Variants in IGSF21 observed in about 807,000 individuals in gnomAD.
IGSF21 encodes immunoglobulin superfamily member 21.
IGSF21 carries 28 observed loss-of-function variants against 46.8 expected under a neutral mutation model. The ratio of observed to expected loss-of-function variants is 0.60; its 90% confidence interval spans 0.44 to 0.82. The LOEUF is 0.82. Ranked by LOEUF, IGSF21 falls within the 40% of genes least tolerant of loss-of-function variation. The pLI, the probability that IGSF21 is intolerant of heterozygous loss-of-function variation, is 0.00. For missense variants in IGSF21, 624 were observed against 665.5 expected (o/e 0.94, Z 0.69); for synonymous variants, 284 against 273.6 (o/e 1.04, Z -0.38).
At chr1:18,277,296 G>A (rs576859694) in intron 2 of IGSF21, among the ~76,000 whole-genome samples, 31 of 152,272 alleles carry the variant, frequency 2.0e-4, no homozygotes, top group African/African-American at 6.0e-4. Flanking sequence ...CGTGAATCCC[G>A]TGGGGTGGTT....
At chr1:18,200,864 T>C (rs537100475) in intron 1 of IGSF21, among the ~76,000 whole-genome samples, 30 of 152,272 alleles carry the variant, frequency 2.0e-4, no homozygotes, top group Admixed American at 5.9e-4. Flanking sequence ...GTGATTTATG[T>C]CGTTGATTTT....
intron 3 of IGSF21, among the ~76,000 whole-genome samples, chr1:18,300,555 C>T (rs1390547103): frequency 6.6e-6 from 1 of 152,206 alleles, no homozygotes; most frequent in Admixed American, 6.5e-5. Context: ...AGCCCTGGAG[C>T]TTGAGCTGCC....
intron 1 of IGSF21, among the ~76,000 whole-genome samples, chr1:18,144,173 G>A (rs2086444386): frequency 6.6e-6 from 1 of 152,136 alleles, no homozygotes; most frequent in African/African-American, 2.4e-5. Flanking sequence ...GCAGAGGAAG[G>A]AGGACAGGCC....
chr1:18,213,109 G>T (rs2084408833), intron 1 of IGSF21, among the ~76,000 whole-genome samples: 1 of 152,154 alleles, frequency 6.6e-6, no homozygotes, highest in South Asian at 2.1e-4. Context: ...AGATCCTTAA[G>T]TCCCCTCCCT....
At chr1:18,256,660 G>A (rs2084895418) in intron 2 of IGSF21, among the ~76,000 whole-genome samples, 1 of 152,182 alleles carries the variant, frequency 6.6e-6, no homozygotes. Flanking sequence ...CAGTGGATCG[G>A]GGCCTGCTGG....
intron 2 of IGSF21, among the ~76,000 whole-genome samples, chr1:18,231,360 G>T (rs535038568): frequency 6.6e-6 from 1 of 152,322 alleles, no homozygotes; most frequent in East Asian, 1.9e-4. Flanking sequence ...CCTCTGGCTG[G>T]ATATTTGGGA....
At chr1:18,108,447 T>C (rs889896043) in intron 1 of IGSF21, among the ~76,000 whole-genome samples, 3 of 151,614 alleles carry the variant, frequency 2.0e-5, no homozygotes, top group Non-Finnish European at 2.9e-5. Context: ...GGTGAGGGTG[T>C]CCGGGAAGGA....
chr1:18,228,044 G>A (rs777146322), intron 2 of IGSF21, 34 bp downstream of exon 2: 4 of 1,521,066 alleles, frequency 2.6e-6, no homozygotes, highest in Non-Finnish European at 2.7e-6. Context: ...TCATGCCCAT[G>A]GCCAGGACTG....
intron 4 of IGSF21, among the ~76,000 whole-genome samples, chr1:18,359,372 A>AAGAAAGAT (rs2086063421): frequency 9.0e-6 from 1 of 111,452 alleles, no homozygotes. Flanking sequence ...GAAAGAAAGA[A>AAGAAAGAT]AGAAAGAAAG....
intron 1 of IGSF21, chr1:18,113,285 C>T (rs1570235531): frequency 6.6e-6 from 1 of 152,154 alleles, no homozygotes; most frequent in Non-Finnish European, 1.5e-5. Context: ...CTGGAACCCA[C>T]CTTTATGCTA....
At chr1:18,229,245 G>A (rs896022167) in intron 2 of IGSF21, among the ~76,000 whole-genome samples, 17 of 152,082 alleles carry the variant, frequency 1.1e-4, no homozygotes, top group African/African-American at 3.9e-4. Flanking sequence ...GGTGGGGGGT[G>A]GGCACCAAAC....
rs542172615 is a variant in IGSF21, at chr1:18,158,495, C to A, written c.70+50297C>A. ...ACAGGACATCTGAGTCACTTCTGCC[C>A]ACCCACCCAGGCCCGGGTGTCTGCT... On this transcript the variant is annotated intron_variant, in intron 1 of 9. Coordinates refer to ENST00000251296, the MANE Select transcript of IGSF21 (RefSeq NM_032880.5). Among the ~76,000 whole-genome samples, 5 of 152,252 alleles carry A rather than the reference C, an allele frequency of 3.3e-5. No homozygotes were observed. The South Asian group carries it at 1.0e-3, about 32-fold the overall frequency.
At chr1:18,141,204 T>A (rs2086412716) in intron 1 of IGSF21, among the ~76,000 whole-genome samples, 1 of 152,196 alleles carries the variant, frequency 6.6e-6, no homozygotes, top group Admixed American at 6.5e-5. Context: ...CAAGGTCTCA[T>A]CTAGTCGGGA....
intron 1 of IGSF21, among the ~76,000 whole-genome samples, chr1:18,222,334 A>G (rs1014806290): frequency 2.6e-5 from 4 of 152,066 alleles, no homozygotes; most frequent in Non-Finnish European, 4.4e-5. Context: ...TCATCTCTGA[A>G]TCTTCTCTTC....
chr1:18,235,221 C>G (rs1057487687), intron 2 of IGSF21, among the ~76,000 whole-genome samples: 3 of 152,172 alleles, frequency 2.0e-5, no homozygotes, highest in Non-Finnish European at 2.9e-5. Context: ...CATGTCATGG[C>G]GTTTGTGAAA....
rs546187075 is a variant in IGSF21 at position 18,316,315 on chromosome 1, C to T, written c.306-18577C>T. ...AGGCCAGAGGGAATGAGTTTTTGAGCTGATTATTGGAGAATGGAAGTCTCC... is the reference window on the plus strand; with the variant it reads ...AGGCCAGAGGGAATGAGTTTTTGAGTTGATTATTGGAGAATGGAAGTCTCC... On this transcript the variant is annotated intron_variant, in intron 3 of 9. Transcript: ENST00000251296. Among the ~76,000 whole-genome samples, 22 of 152,314 alleles carry T rather than the reference C, an allele frequency of 1.4e-4. No homozygotes were observed. The South Asian group carries it at 4.4e-3, about 30-fold the overall frequency.
At chr1:18,307,759 T>A (rs2085441308) in intron 3 of IGSF21, among the ~76,000 whole-genome samples, 1 of 152,178 alleles carries the variant, frequency 6.6e-6, no homozygotes, top group African/African-American at 2.4e-5. Flanking sequence ...GAGCTTCAGC[T>A]CCTTCATTGG....
At chr1:18,239,203 C>T (rs1003624953) in intron 2 of IGSF21, among the ~76,000 whole-genome samples, 2 of 152,128 alleles carry the variant, frequency 1.3e-5, no homozygotes, top group Non-Finnish European at 2.9e-5. Context: ...GCTGACTTAA[C>T]TTGTCGGAAA....
At chr1:18,363,963 G>A (rs960336384) in intron 5 of IGSF21, among the ~76,000 whole-genome samples, 2 of 152,134 alleles carry the variant, frequency 1.3e-5, no homozygotes, top group Non-Finnish European at 2.9e-5. Context: ...CCCCTTTGGA[G>A]GCCATAGACA....
Sources: allele counts gnomAD v4.1 joint callset (sites outside exome capture counted in the v4.1 genomes callset), GRCh38; gene constraint gnomAD v4.1.1; transcripts MANE v1.5; gene names NCBI Gene and HGNC (gene_info 2026-07-23, HGNC 2026-07-21).